HCN1: variants seen among roughly 807,000 people sequenced by gnomAD.
HCN1 encodes hyperpolarization activated cyclic nucleotide gated potassium channel 1.
Under a neutral mutation model 78.9 loss-of-function variants are expected in HCN1, and 13 were observed. That is an observed-to-expected ratio of 0.16 (90% confidence interval 0.11 to 0.26). HCN1 has a LOEUF of 0.26. Among genes scored for constraint, HCN1 ranks in the 10% least tolerant of loss-of-function variants. HCN1 has a pLI of 1.00. For missense variants in HCN1, 810 were observed against 1,154.3 expected (o/e 0.70, Z 4.32); for synonymous variants, 552 against 455.5 (o/e 1.21, Z -2.70).
intron 2 of HCN1, among the ~76,000 whole-genome samples, chr5:45,560,299 A>C (rs1289149867): frequency 6.6e-6 from 1 of 152,052 alleles, no homozygotes; most frequent in Non-Finnish European, 1.5e-5. Context: ...CATATACTGA[A>C]ATTTTATGTA....
intron 6 of HCN1, among the ~76,000 whole-genome samples, chr5:45,267,882 G>T (rs1744892487): frequency 6.6e-6 from 1 of 150,474 alleles, no homozygotes; most frequent in African/African-American, 2.4e-5. Context: ...AAGAAATAAA[G>T]AAAAAAAACA....
intron 2 of HCN1, among the ~76,000 whole-genome samples, chr5:45,573,662 T>C: frequency 6.6e-6 from 1 of 151,962 alleles, no homozygotes; most frequent in East Asian, 1.9e-4. Context: ...CCTAATGCCA[T>C]CCCATTCACT....
At chr5:45,273,121 G>T (rs1274995391) in intron 6 of HCN1, among the ~76,000 whole-genome samples, 1 of 151,966 alleles carries the variant, frequency 6.6e-6, no homozygotes, top group African/African-American at 2.4e-5. Flanking sequence ...AAAAGTAATG[G>T]GGACTTAGCG....
intron 2 of HCN1, among the ~76,000 whole-genome samples, chr5:45,623,726 G>T (rs1217841271): frequency 1.3e-5 from 2 of 152,034 alleles, no homozygotes; most frequent in African/African-American, 2.4e-5. Context: ...ACACAATAAT[G>T]AAACAAAATC....
chr5:45,324,620 G>A (rs1253938295), intron 5 of HCN1, among the ~76,000 whole-genome samples: 1 of 151,880 alleles, frequency 6.6e-6, no homozygotes, highest in South Asian at 2.1e-4. Context: ...AGAGACAGGT[G>A]AAAAAGAAGA....
chr5:45,658,711 G>A (rs973158535), intron 1 of HCN1, among the ~76,000 whole-genome samples: 80 of 151,708 alleles, frequency 5.3e-4, no homozygotes, highest in Non-Finnish European at 8.8e-4. Flanking sequence ...CTGGAAAATC[G>A]GGTCACTCCC....
intron 3 of HCN1, among the ~76,000 whole-genome samples, chr5:45,458,847 A>G (rs767706337): frequency 1.5e-4 from 23 of 152,266 alleles, no homozygotes; most frequent in Non-Finnish European, 2.5e-4. Flanking sequence ...AGCATCCTTC[A>G]AAGCACAGAG....
At chr5:45,343,354 T>C (rs1053644943) in intron 5 of HCN1, among the ~76,000 whole-genome samples, 4 of 152,194 alleles carry the variant, frequency 2.6e-5, no homozygotes, top group African/African-American at 9.7e-5. Context: ...GTATTTTAAA[T>C]GGTAGTCAGA....
intron 1 of HCN1, among the ~76,000 whole-genome samples, chr5:45,658,546 G>T (rs980460206): frequency 6.6e-6 from 1 of 152,110 alleles, no homozygotes; most frequent in African/African-American, 2.4e-5. Flanking sequence ...GAGGTAACGG[G>T]TTCATCTCAC....
In HCN1 at chr5:45,508,241, C is replaced by T. The variant is rs537964527; in HGVS notation, c.850-46234G>A. On this transcript the variant is annotated intron_variant, in intron 2 of 7. Transcript: ENST00000303230. ...CATATTTTTCTCCATTCTCCAAGTA[C>T]GATTACAGAAAATTCCCAAAGGCCA... Among the ~76,000 whole-genome samples, 8 of 152,176 alleles carry T rather than the reference C, an allele frequency of 5.3e-5. No homozygotes were observed. The South Asian group carries it at 8.3e-4, about 16-fold the overall frequency.
intron 4 of HCN1, among the ~76,000 whole-genome samples, chr5:45,395,131 T>G (rs2112038915): frequency 6.6e-6 from 1 of 152,124 alleles, no homozygotes; most frequent in East Asian, 1.9e-4. Context: ...GTTTTCTTAT[T>G]GAGAAAATGT....
At chr5:45,619,334 G>T (rs1468056449) in intron 2 of HCN1, among the ~76,000 whole-genome samples, 1 of 151,998 alleles carries the variant, frequency 6.6e-6, no homozygotes, top group Non-Finnish European at 1.5e-5. Flanking sequence ...AATAACTATG[G>T]ATCCCTAGAA....
At chr5:45,400,921 C>T (rs961328600) in intron 3 of HCN1, among the ~76,000 whole-genome samples, 2 of 152,054 alleles carry the variant, frequency 1.3e-5, no homozygotes, top group Admixed American at 6.6e-5. Flanking sequence ...ATTATATATG[C>T]TCTTATTGTT....
chr5:45,388,641 A>C (rs999846064), intron 4 of HCN1, among the ~76,000 whole-genome samples: 39 of 152,146 alleles, frequency 2.6e-4, no homozygotes, highest in African/African-American at 9.4e-4. Flanking sequence ...GGCACACTAA[A>C]GTTTGGAAAG....
chr5:45,635,779 G>A (rs1017696421), intron 2 of HCN1, among the ~76,000 whole-genome samples: 1 of 151,958 alleles, frequency 6.6e-6, no homozygotes, highest in Non-Finnish European at 1.5e-5. Flanking sequence ...GCAACTGAAG[G>A]GCTCTAATTT....
At chr5:45,585,934 T>C (rs1165647641) in intron 2 of HCN1, among the ~76,000 whole-genome samples, 1 of 152,198 alleles carries the variant, frequency 6.6e-6, no homozygotes, top group Non-Finnish European at 1.5e-5. Flanking sequence ...AGTCTGCCCC[T>C]ACTGGTGGGT....
chr5:45,321,328 T>C (rs182553469), intron 5 of HCN1, among the ~76,000 whole-genome samples: 43 of 151,952 alleles, frequency 2.8e-4, no homozygotes, highest in Admixed American at 7.2e-4. Context: ...AACAATAAAC[T>C]TAAATTTTGT....
At chr5:45,511,709 A>T (rs1035361936) in intron 2 of HCN1, among the ~76,000 whole-genome samples, 2 of 152,022 alleles carry the variant, frequency 1.3e-5, no homozygotes, top group East Asian at 3.9e-4. Context: ...GCCTAAGGAG[A>T]CATGAGGACT....
chr5:45,460,883 T>C (rs1349739583), intron 3 of HCN1, among the ~76,000 whole-genome samples: 1 of 149,898 alleles, frequency 6.7e-6, no homozygotes, highest in African/African-American at 2.4e-5. Flanking sequence ...TCTACAAAAA[T>C]AAGCCAACAA....
Sources: gnomAD v4.1 joint callset for allele counts (sites outside exome capture counted in the v4.1 genomes callset) on GRCh38, gnomAD v4.1.1 for gene constraint, MANE v1.5 for transcripts, NCBI Gene and HGNC (gene_info 2026-07-23, HGNC 2026-07-21) for gene names.